Variants in LIPI observed in about 807,000 individuals in gnomAD.
The protein encoded by LIPI is lipase member I.
LIPI carries 59 observed loss-of-function variants against 50.6 expected under a neutral mutation model. The ratio of observed to expected loss-of-function variants is 1.16; its 90% CI spans 0.94 to 1.45. The LOEUF (loss-of-function observed/expected upper bound fraction) is 1.45. Among genes scored for constraint, LIPI ranks in the 40% most tolerant of loss-of-function variants. LIPI has a pLI of 0.00. For synonymous variants in LIPI, 203 were observed against 178.2 expected (o/e 1.14, Z -1.11); for missense variants, 586 against 536.3 (o/e 1.09, Z -0.92).
intron 1 of LIPI, among the ~76,000 whole-genome samples, chr21:14,193,616 A>G (rs948257507): frequency 7.9e-5 from 12 of 152,038 alleles, no homozygotes; most frequent in East Asian, 7.7e-4. Context: ...AAGCAAATTA[A>G]CTAAGTTAAA....
In LIPI at chr21:14,201,713, G is replaced by A. The variant is rs1450132356; in HGVS notation, c.46+9087C>T. On this transcript the variant is annotated intron_variant, in intron 1 of 9. Transcript: ENST00000681601. ...AAATAATAAGAGCTATCTATGACAA[G>A]CCCACAGCCAATATCATAGTGAGTG... Among the ~76,000 whole-genome samples the A allele has an allele frequency of 4.6e-5, 7 of 151,926 alleles. No individual in the cohort carries two copies. In the South Asian group the frequency reaches 6.2e-4, roughly 13 times the overall value.
At chr21:14,188,700 C>T (rs2019542750) in intron 2 of LIPI, among the ~76,000 whole-genome samples, 1 of 151,850 alleles carries the variant, frequency 6.6e-6, no homozygotes, top group African/African-American at 2.4e-5. Context: ...ATTTCCCCCA[C>T]CCACATAGGA....
At chr21:14,185,267 A>G (rs1273524989) in intron 3 of LIPI, among the ~76,000 whole-genome samples, 1 of 152,222 alleles carries the variant, frequency 6.6e-6, no homozygotes, top group Non-Finnish European at 1.5e-5. Context: ...ATTCAAGTAA[A>G]AATTTTTAGA....
chr21:14,152,937 G>A (rs1290246930), intron 7 of LIPI, among the ~76,000 whole-genome samples: 2 of 152,118 alleles, frequency 1.3e-5, no homozygotes, highest in African/African-American at 4.8e-5. Flanking sequence ...GTATGGTGAA[G>A]TATTGAACAA....
At chr21:14,190,107 T>C (rs1468635395) in intron 1 of LIPI, among the ~76,000 whole-genome samples, 1 of 152,132 alleles carries the variant, frequency 6.6e-6, no homozygotes. Context: ...TTAAATCTCA[T>C]CCTTATAGTA....
At chr21:14,114,594 G>A (rs914909605) in intron 9 of LIPI, among the ~76,000 whole-genome samples, 4 of 152,088 alleles carry the variant, frequency 2.6e-5, no homozygotes, top group Non-Finnish European at 4.4e-5. Flanking sequence ...GAGTATCCCC[G>A]AAACTTCAAC....
chr21:14,152,844 G>A (rs1568852531), intron 7 of LIPI, among the ~76,000 whole-genome samples, 160 bp from the exon 8 acceptor site: 1 of 151,988 alleles, frequency 6.6e-6, no homozygotes, highest in African/African-American at 2.4e-5. Context: ...TTTGGTAAAT[G>A]GGTAATATAT....
chr21:14,186,112 G>GTAA, intron 2 of LIPI, 43 bp from the exon 3 acceptor site: 1 of 1,085,740 alleles, frequency 9.2e-7, no homozygotes. Context: ...TTCATTTCAA[G>GTAA]TAATAACAAA....
rs186465569 is a variant in LIPI at position 14,137,425 on chromosome 21, G to A, written c.1295+7198C>T. The stretch of plus-strand genomic sequence containing the variant: ...AAAAGAATCAAGCAGAAACTCTGGA[G>A]CTAAAAAATGCAGTTGGCACACTAA... On this transcript the variant is annotated intron_variant, in intron 9 of 9. Transcript: ENST00000681601. Among the ~76,000 whole-genome samples the A allele has an allele frequency of 3.3e-5, 5 of 152,256 alleles. No homozygotes were observed. The East Asian group carries it at 9.7e-4, about 29-fold the overall frequency.
intron 8 of LIPI, among the ~76,000 whole-genome samples, chr21:14,150,770 C>A (rs570250141): frequency 6.6e-6 from 1 of 151,888 alleles, no homozygotes; most frequent in Non-Finnish European, 1.5e-5. Context: ...TGAAAAGGGC[C>A]GAAAAGTTTC....
chr21:14,190,057 C>T (rs376667507), intron 1 of LIPI, among the ~76,000 whole-genome samples: 3 of 152,092 alleles, frequency 2.0e-5, no homozygotes, highest in East Asian at 3.9e-4. Flanking sequence ...AAGACTTTAA[C>T]CGCTGGGTTA....
At position 14,189,098 on chromosome 21, in the gene LIPI, T is replaced by C. The variant is rs375339476; in HGVS notation, c.368A>G (p.Asn123Ser). The C allele has an allele frequency of 9.9e-6, 16 of 1,612,388 alleles. No individual in the cohort carries two copies. The highest frequency in any genetic ancestry group is 4.5e-5 in the East Asian group (2 of 44,880). ...TTTTCTGGTGTTTTTAACTGCTCTA[T>C]TATAAATAAAAGTTGTAGCACCCCG... ...WSRGATTFIY[N>S]RAVKNTRKVA... is the part of the protein sequence containing the mutation. The change falls in exon 2 of 10, where the codon AAT becomes AGT. Residue 123 changes from asparagine (N) to serine (S), a missense_variant. Physicochemically the swap from Asn to Ser is conservative, Grantham distance 46. Coordinates refer to ENST00000681601, the MANE Select transcript of LIPI (RefSeq NM_001302998.2).
In LIPI at chr21:14,108,929, T is replaced by A; in HGVS notation, c.*64A>T. 5.0e-6 allele frequency: 8 copies of A among 1,593,950 alleles called. No homozygotes were observed. The highest frequency in any genetic ancestry group is 6.9e-6 in the Non-Finnish European group (8 of 1,163,456). On this transcript the variant is annotated 3_prime_UTR_variant, in exon 10 of 10. Transcript: ENST00000681601. ...TGAACAGTGCATTATAAAAGACTGA[T>A]TGCATTGTTTCATTTACAAGTCCAT...
chr21:14,109,466 C>T (rs2016318519), intron 9 of LIPI, among the ~76,000 whole-genome samples: 1 of 151,968 alleles, frequency 6.6e-6, no homozygotes, highest in Admixed American at 6.6e-5. Context: ...ACAAAGTTTG[C>T]CGAAGCAATT....
intron 7 of LIPI, among the ~76,000 whole-genome samples, chr21:14,160,809 C>T (rs1247748100): frequency 6.6e-6 from 1 of 150,846 alleles, no homozygotes. Flanking sequence ...TAAAAAAAAG[C>T]CCAATTGAAA....
chr21:14,187,645 G>A (rs993279230), intron 2 of LIPI, among the ~76,000 whole-genome samples: 2 of 152,094 alleles, frequency 1.3e-5, no homozygotes, highest in African/African-American at 4.8e-5. Flanking sequence ...AATCAATGAT[G>A]TAATTAATAG....
intron 9 of LIPI, among the ~76,000 whole-genome samples, chr21:14,116,073 G>A (rs939908901): frequency 6.6e-6 from 1 of 152,094 alleles, no homozygotes; most frequent in South Asian, 2.1e-4. Flanking sequence ...CATTTCACCT[G>A]ATGAGGAGTC....
intron 9 of LIPI, among the ~76,000 whole-genome samples, chr21:14,131,071 C>T (rs2017274257): frequency 6.6e-6 from 1 of 152,198 alleles, no homozygotes; most frequent in African/African-American, 2.4e-5. Context: ...CTGCCTCAGC[C>T]TCCTGAGTGG....
At chr21:14,196,447 C>A (rs1020117630) in intron 1 of LIPI, among the ~76,000 whole-genome samples, 8 of 152,092 alleles carry the variant, frequency 5.3e-5, no homozygotes, top group African/African-American at 1.7e-4. Flanking sequence ...AGCTAACTAA[C>A]TTTTAAGGGT....
Sources: gnomAD v4.1 joint callset for allele counts (sites outside exome capture counted in the v4.1 genomes callset) on GRCh38, gnomAD v4.1.1 for gene constraint, MANE v1.5 for transcripts, NCBI Gene and HGNC (gene_info 2026-07-23, HGNC 2026-07-21) for gene names.